Variants in MYH9 observed in about 807,000 individuals in gnomAD.
MYH9 encodes myosin-9.
Under a neutral mutation model 241.9 loss-of-function variants are expected in MYH9, and 29 were observed. The ratio of observed to expected loss-of-function variants is 0.12; its 90% CI spans 0.09 to 0.16. MYH9 has a LOEUF of 0.16. Ranked by LOEUF, MYH9 falls within the 10% of genes least tolerant of loss-of-function variation. MYH9 has a pLI of 1.00. For synonymous variants in MYH9, 1,047 were observed against 1,062.6 expected (o/e 0.99, Z 0.29); for missense variants, 1,803 against 2,595.5 (o/e 0.69, Z 6.63).
intron 2 of MYH9, among the ~76,000 whole-genome samples, chr22:36,344,184 C>T (rs988408992): frequency 3.3e-5 from 5 of 152,258 alleles, no homozygotes; most frequent in African/African-American, 4.8e-5. Flanking sequence ...TCACTGGATG[C>T]TCGTGGAGGC....
Position 36,285,941 on chromosome 22 carries a change from C to T in MYH9, c.5074G>A (p.Ala1692Thr), listed in dbSNP as rs767426084. 282 of 1,610,134 alleles carry T rather than the reference C, an allele frequency of 1.8e-4. No homozygotes were observed. Among genetic ancestry groups the T allele is most frequent in the Non-Finnish European group, 2.3e-4 (266 of 1,179,970 alleles). ...MIQLQEELAA[A>T]ERAKRQAQQE... ...TGGGCCTGGCGCTTGGCACGCTCCG[C>T]GGCTGCCAGTTCCTGCCACAAAGAC... Residue 1692 changes from alanine (A) to threonine (T), a missense_variant, in exon 36 of 41, where the codon GCG (alanine) becomes ACG (threonine). This residue lies in a region of MYH9 where 876 missense variants were observed against 1,077.8 expected (regional missense o/e 0.81). Transcript: ENST00000216181. This position sits in a 1 kb window ranked among gnomAD's most constrained non-coding sequence, Gnocchi z 7.0.
At chr22:36,289,041 A>C (rs376555010) in intron 32 of MYH9, 44 bp downstream of exon 32, 819 of 1,613,016 alleles carry the variant, frequency 5.1e-4, no homozygotes, top group Admixed American at 1.0e-3. Context: ...TGATGACCCC[A>C]CTCGGGCCCT....
At chr22:36,376,954 T>G (rs1042083916) in intron 1 of MYH9, among the ~76,000 whole-genome samples, 8 of 151,840 alleles carry the variant, frequency 5.3e-5, no homozygotes, top group African/African-American at 1.9e-4. Flanking sequence ...TCCCAGCTAC[T>G]TGGGAGGATG....
In MYH9 at chr22:36,301,066, A is replaced by G; in HGVS notation, c.2632-9T>C. 6.2e-7 allele frequency: 1 copy of G among 1,607,620 alleles called. No homozygotes were observed. ...AATTTCTCTGCCATGAGCTGCAAAC[A>G]ACAAGTGGAAAACACAAGCTCCTCG... On this transcript the variant is annotated splice_polypyrimidine_tract_variant and intron_variant, in intron 21 of 40. Transcript: ENST00000216181.
intron 1 of MYH9, among the ~76,000 whole-genome samples, chr22:36,360,711 T>A (rs2017924108): frequency 7.5e-6 from 1 of 133,294 alleles, no homozygotes; most frequent in Admixed American, 7.6e-5. Context: ...AGACTCCATC[T>A]CAAAAAAAAA....
chr22:36,300,965 G>A lies in MYH9; in HGVS notation c.2724C>T (p.Ala908=). 1 of 1,611,664 alleles carries A rather than the reference G, an allele frequency of 6.2e-7. No homozygotes were observed. Among genetic ancestry groups the A allele is most frequent in the Non-Finnish European group, 8.5e-7 (1 of 1,180,018 alleles). The stretch of plus-strand genomic sequence containing the variant: ...AGATCTCTTCTAATTCCTGCTTCTT[G>A]GCGGTCAGGCGGGCCCGGAGCTCCT... ...EAEELRARLT[A]KKQELEEICH... The change falls in exon 22 of 41, where the codon GCC becomes GCT. Residue 908 remains alanine (A), a synonymous_variant. Coordinates refer to ENST00000216181, the MANE Select transcript of MYH9 (RefSeq NM_002473.6). This position sits in a 1 kb window ranked among gnomAD's most constrained non-coding sequence, Gnocchi z 5.0.
At chr22:36,309,435 G>A in intron 14 of MYH9, 39 bp from the exon 15 acceptor site, 2 of 1,487,032 alleles carry the variant, frequency 1.3e-6, no homozygotes, top group Non-Finnish European at 1.9e-6. Context: ...AAGCTGCGCT[G>A]GGGACATGTG....
chr22:36,328,543 A>G (rs1216566254), intron 3 of MYH9, among the ~76,000 whole-genome samples: 2 of 152,354 alleles, frequency 1.3e-5, no homozygotes, highest in East Asian at 3.9e-4. Flanking sequence ...TTCTACATCC[A>G]CAAAGTAAGA....
intron 34 of MYH9, 82 bp from the exon 35 acceptor site, chr22:36,286,928 G>A (rs1184542545): frequency 1.3e-6 from 2 of 1,586,184 alleles, no homozygotes; most frequent in Non-Finnish European, 1.7e-6. Context: ...TCGCCAACAG[G>A]GCTCATGGCT....
chr22:36,303,895 T>C (rs1299952600), intron 19 of MYH9, 100 bp downstream of exon 19: 8 of 1,408,872 alleles, frequency 5.7e-6, no homozygotes, highest in South Asian at 3.7e-5. Context: ...CTGACAGGCA[T>C]GTGACTGGCT....
chr22:36,379,306 G>A (rs559789137), intron 1 of MYH9, among the ~76,000 whole-genome samples: 15 of 152,320 alleles, frequency 9.8e-5, no homozygotes, highest in African/African-American at 3.4e-4. Context: ...AGGAGATGGA[G>A]ACCATCCTGG....
chr22:36,370,871 A>C (rs967823274), intron 1 of MYH9, among the ~76,000 whole-genome samples: 1 of 152,164 alleles, frequency 6.6e-6, no homozygotes, highest in African/African-American at 2.4e-5. Context: ...GGGTGGGAAG[A>C]AGGGCAGGAG....
chr22:36,317,033 A>G (rs952473543), intron 11 of MYH9, among the ~76,000 whole-genome samples: 129 of 141,764 alleles, frequency 9.1e-4, no homozygotes, highest in African/African-American at 3.4e-3. Flanking sequence ...GTCTACGGCC[A>G]TACCACCCTA....
At chr22:36,290,938 C>T (rs892373293) in intron 31 of MYH9, among the ~76,000 whole-genome samples, 2 of 147,252 alleles carry the variant, frequency 1.4e-5, no homozygotes, top group African/African-American at 5.1e-5. Context: ...AGGTGAGGAG[C>T]CCCTCCGCCC....
At chr22:36,296,215 A>T (rs2016785311) in intron 25 of MYH9, among the ~76,000 whole-genome samples, 1 of 152,110 alleles carries the variant, frequency 6.6e-6, no homozygotes. Context: ...TGTGAATCTA[A>T]AACTACTCTA....
In MYH9 at chr22:36,305,548, C is replaced by T. The variant is rs1443579430; in HGVS notation, c.2159+382G>A. Among the ~76,000 whole-genome samples the T allele has an allele frequency of 6.6e-6, 1 of 152,186 alleles. No individual in the cohort carries two copies. Among genetic ancestry groups the T allele is most frequent in the African/African-American group, 2.4e-5 (1 of 41,442 alleles). ...CATTAGAGAAACAGGAAGGTGTCGCCGTCTTCGCACACAGCAACGCACGGC... is the reference window on the plus strand; with the variant it reads ...CATTAGAGAAACAGGAAGGTGTCGCTGTCTTCGCACACAGCAACGCACGGC... On this transcript the variant is annotated intron_variant, in intron 17 of 40. Transcript: ENST00000216181. This position sits in a 1 kb window ranked among gnomAD's most constrained non-coding sequence, Gnocchi z 4.7.
chr22:36,344,510 A>G (rs2017644622), intron 2 of MYH9, among the ~76,000 whole-genome samples: 1 of 152,206 alleles, frequency 6.6e-6, no homozygotes, highest in South Asian at 2.1e-4. Flanking sequence ...TGACATGCTA[A>G]TAACTCTGCA....
At position 36,293,430 on chromosome 22, in the gene MYH9, T is replaced by G. The variant is rs745376621; in HGVS notation, c.3994A>C (p.Lys1332Gln). The G allele has an allele frequency of 3.1e-6, 5 of 1,613,834 alleles. No homozygotes were observed. Among genetic ancestry groups the G allele is most frequent in the Non-Finnish European group, 4.2e-6 (5 of 1,179,932 alleles). The part of the protein sequence containing the change: ...RQKLSLSTKL[K>Q]QVEDEKNSFR... Reference sequence around the variant, plus strand: ...GAATTCTTCTCGTCCTCCACCTGCTTGAGCTTGGTGCTCAGGCTCAGCTTC... The same window carrying G: ...GAATTCTTCTCGTCCTCCACCTGCTGGAGCTTGGTGCTCAGGCTCAGCTTC... The change falls in exon 30 of 41, where the codon AAG (lysine) becomes CAG (glutamine). Residue 1332 changes from lysine to glutamine, a missense_variant. Around this residue, in one of 11 missense-constraint regions of MYH9, gnomAD observed 876 missense variants for 1,077.8 expected, o/e 0.81. Transcript: ENST00000216181. The surrounding 1 kb of genome is among the most constrained non-coding windows in gnomAD (Gnocchi z 5.1).
intron 2 of MYH9, among the ~76,000 whole-genome samples, chr22:36,342,410 A>G (rs916506052): frequency 8.5e-5 from 13 of 152,204 alleles, no homozygotes; most frequent in African/African-American, 3.1e-4. Flanking sequence ...CACATAGCAC[A>G]GCACGCAGCA....
Sources: gnomAD v4.1 joint callset for allele counts (sites outside exome capture counted in the v4.1 genomes callset) on GRCh38, gnomAD v4.1.1 for gene constraint, gnomAD v4.1.1 regional missense constraint, Gnocchi (gnomAD v3.1) non-coding constraint, MANE v1.5 for transcripts, NCBI Gene and HGNC (gene_info 2026-07-23, HGNC 2026-07-21) for gene names.